RANBP2: variants seen among roughly 807,000 people sequenced by gnomAD.
RANBP2 encodes RAN binding protein 2.
A neutral mutation model predicts 303.6 loss-of-function variants in RANBP2; 57 were observed. The ratio of observed to expected loss-of-function variants is 0.19; its 90% CI spans 0.15 to 0.23. The LOEUF is 0.23. Ranked by LOEUF, RANBP2 falls within the 10% of genes least tolerant of loss-of-function variation. RANBP2 has a pLI of 1.00. For synonymous variants in RANBP2, 1,167 were observed against 1,301.5 expected, an observed-to-expected ratio of 0.90 and a Z score of 2.23; for missense variants, 3,138 against 3,780.8, an observed-to-expected ratio of 0.83 and a Z score of 4.46.
the RANBP2 span, among the ~76,000 whole-genome samples, chr2:109,478,637 G>C: frequency 6.6e-6 from 1 of 152,176 alleles, no homozygotes. Flanking sequence ...TTGTTGGAAT[G>C]CGCTTTCATT....
chr2:109,734,264 A>G, the RANBP2 span, among the ~76,000 whole-genome samples: 4 of 152,106 alleles, frequency 2.6e-5, no homozygotes. Flanking sequence ...ACAAAACCCC[A>G]GAGAATCCAC....
the RANBP2 span, among the ~76,000 whole-genome samples, chr2:109,405,169 C>T: frequency 2.6e-4 from 40 of 152,156 alleles, no homozygotes; most frequent in African/African-American, 9.7e-4. Context: ...AGATTCTCTT[C>T]TCCAACTACC....
the RANBP2 span, among the ~76,000 whole-genome samples, chr2:109,517,390 G>A: frequency 6.6e-6 from 1 of 152,186 alleles, no homozygotes; most frequent in Admixed American, 6.5e-5. Context: ...TCAACCTGAG[G>A]CTTGCAGGAG....
chr2:108,782,554 G>T lies in RANBP2; in HGVS notation c.9061G>T (p.Ala3021Ser). 7 of 1,614,166 alleles carry T rather than the reference G, an allele frequency of 4.3e-6. No homozygotes were observed. Among genetic ancestry groups the T allele is most frequent in the Non-Finnish European group, 5.1e-6 (6 of 1,180,016 alleles). Residue 3021 changes from alanine to serine, a missense_variant, in exon 28 of 29, where the codon GCA (alanine) becomes TCA (serine). By Grantham distance (99) the Ala-to-Ser change is moderately conservative. Coordinates refer to ENST00000283195, the MANE Select transcript of RANBP2 (RefSeq NM_006267.5). Reference sequence around the variant, plus strand: ...TGGAGAAGCAAAAGTAGAACAGCTTGCAGTGAGATTTAAAACTAAAGAAGT... The same window carrying T: ...TGGAGAAGCAAAAGTAGAACAGCTTTCAGTGAGATTTAAAACTAAAGAAGT... ...ADGEAKVEQL[A>S]VRFKTKEVAD...
chr2:109,121,201 C>T, the RANBP2 span, among the ~76,000 whole-genome samples: 6 of 151,988 alleles, frequency 3.9e-5, no homozygotes, highest in Non-Finnish European at 8.8e-5. Context: ...GAGCTGAGAT[C>T]GCACCACTGC....
At chr2:108,724,780 G>A (rs1342901560) in intron 1 of RANBP2, among the ~76,000 whole-genome samples, 1 of 151,850 alleles carries the variant, frequency 6.6e-6, no homozygotes, top group Non-Finnish European at 1.5e-5. Context: ...TCATGGTTCA[G>A]TATCTAGACT....
chr2:108,975,215 G>A, the RANBP2 span, among the ~76,000 whole-genome samples: 1 of 152,350 alleles, frequency 6.6e-6, no homozygotes, highest in South Asian at 2.1e-4. Flanking sequence ...GGGCAAAGGA[G>A]AGAGAGGATC....
chr2:109,006,707 G>A, the RANBP2 span, among the ~76,000 whole-genome samples: 1 of 152,136 alleles, frequency 6.6e-6, no homozygotes, highest in South Asian at 2.1e-4. Context: ...TGAGAGCGGA[G>A]GCCCCTCGGG....
chr2:108,817,416 C>T, the RANBP2 span, among the ~76,000 whole-genome samples: 2 of 152,076 alleles, frequency 1.3e-5, no homozygotes, highest in Non-Finnish European at 2.9e-5. Context: ...CCTCAGTCTC[C>T]CAAGTAGCTG....
the RANBP2 span, among the ~76,000 whole-genome samples, chr2:109,404,396 C>T: frequency 6.6e-6 from 1 of 152,206 alleles, no homozygotes; most frequent in African/African-American, 2.4e-5. Flanking sequence ...CAGCGCCTGG[C>T]CTCTGAGTAG....
chr2:109,170,291 TCTCTTCTCTTCTCTTCTC>T, the RANBP2 span, among the ~76,000 whole-genome samples: 1 of 110,672 alleles, frequency 9.0e-6, no homozygotes, highest in African/African-American at 3.6e-5. Flanking sequence ...TCTCTTCTCT[TCTCTTCTCTTCTCTTCTC>T]TTCTCTCCTC....
chr2:108,938,799 CA>C, the RANBP2 span, among the ~76,000 whole-genome samples: 1 of 147,292 alleles, frequency 6.8e-6, no homozygotes. Flanking sequence ...CCCCCCGCCC[CA>C]CCCCCCAGAG....
the RANBP2 span, among the ~76,000 whole-genome samples, chr2:109,541,441 T>A: frequency 6.6e-6 from 1 of 152,308 alleles, no homozygotes. Context: ...CTCTAAAGGG[T>A]TGGCCTGCCC....
the RANBP2 span, among the ~76,000 whole-genome samples, chr2:109,748,595 G>A: frequency 4.6e-5 from 5 of 109,778 alleles, no homozygotes; most frequent in South Asian, 4.0e-4. Flanking sequence ...GGCTTAGGCC[G>A]GGCGCAGTGG....
rs1241887943 is a variant in RANBP2, at chr2:108,771,773, C to T, written c.7922C>T (p.Thr2641Ile). The change falls in exon 21 of 29, where the codon ACC (threonine) becomes ATC (isoleucine). Residue 2641 changes from threonine (T) to isoleucine (I), a missense_variant. Around this residue, in one of 20 missense-constraint regions of RANBP2, gnomAD observed 497 missense variants for 465.8 expected, o/e 1.07. Transcript: ENST00000283195. ...CTCATTGTATATGAACTAACTCCAA[C>T]CGCTGAGCAGAAAGCCCTTGCAACC... ...DVLIVYELTPTAEQKALATKL... is the reference protein window; with the variant it reads ...DVLIVYELTPIAEQKALATKL... The T allele has an allele frequency of 6.2e-7, 1 of 1,613,908 alleles. No individual in the cohort carries two copies. Among genetic ancestry groups the T allele is most frequent in the African/African-American group, 1.3e-5 (1 of 74,928 alleles).
chr2:109,632,610 G>A, the RANBP2 span, among the ~76,000 whole-genome samples: 2 of 152,174 alleles, frequency 1.3e-5, no homozygotes, highest in African/African-American at 4.8e-5. Flanking sequence ...TCAGAAGCTC[G>A]AGGCCAGCCT....
the RANBP2 span, among the ~76,000 whole-genome samples, chr2:109,155,618 A>G: frequency 9.2e-5 from 14 of 152,058 alleles, no homozygotes; most frequent in African/African-American, 3.4e-4. Context: ...TGTTTTGATG[A>G]CACAATTTTG....
rs950108961 is a variant in RANBP2, at chr2:108,782,299, G to A, written c.8932G>A (p.Val2978Ile). Residue 2978 changes from valine to isoleucine, a missense_variant, in exon 27 of 29, where the codon GTT (valine) becomes ATT (isoleucine). Val to Ile is a conservative substitution (Grantham distance 29, BLOSUM62 3). Transcript: ENST00000283195. ...CCGGATCCTAATGAGAAGAGACCAG[G>A]TTTTTAAAGTGTGTGCAAACCACGT... ...YYRILMRRDQ[V>I]FKVCANHVIT... 19 of 1,614,028 alleles carry A rather than the reference G, an allele frequency of 1.2e-5. No homozygotes were observed. Among genetic ancestry groups the A allele is most frequent in the Non-Finnish European group, 1.6e-5 (19 of 1,180,028 alleles).
In RANBP2 at chr2:108,774,697, C is replaced by T. The variant is rs1262862151; in HGVS notation, c.8293-1035C>T. Reference sequence around the variant, plus strand: ...TTGCCTTGGATTTTGCACTTTTTTTCTAGTTTCTTTTTTTTTTTTTTGGCT... The same window carrying T: ...TTGCCTTGGATTTTGCACTTTTTTTTTAGTTTCTTTTTTTTTTTTTTGGCT... On this transcript the variant is annotated intron_variant, in intron 23 of 28. Transcript: ENST00000283195. Among the ~76,000 whole-genome samples, 27 of 147,318 alleles carry T rather than the reference C, an allele frequency of 1.8e-4. No homozygotes were observed. The Admixed American group carries it at 1.8e-3, about 10-fold the overall frequency.
Sources: allele counts gnomAD v4.1 joint callset (sites outside exome capture counted in the v4.1 genomes callset), GRCh38; gene constraint gnomAD v4.1.1; regional missense constraint gnomAD v4.1.1; transcripts MANE v1.5; gene names NCBI Gene and HGNC (gene_info 2026-07-23, HGNC 2026-07-21).